The following ZFHX3 variants were observed in gnomAD, a reference collection of about 807,000 sequenced individuals.
The protein encoded by ZFHX3 is zinc finger homeobox 3.
A neutral mutation model predicts 279.1 loss-of-function variants in ZFHX3; 42 were observed. The ratio of observed to expected loss-of-function variants is 0.15; its 90% CI spans 0.12 to 0.19. The LOEUF (loss-of-function observed/expected upper bound fraction) is 0.19. Ranked by LOEUF, ZFHX3 falls within the 10% of genes least tolerant of loss-of-function variation. The pLI is 1.00. For synonymous variants in ZFHX3, 2,293 were observed against 1,957.8 expected (o/e 1.17, Z -4.52); for missense variants, 4,981 against 4,754.0 (o/e 1.05, Z -1.40).
At chr16:73,354,451 C>T (rs552628625) in intron 3 of ZFHX3, among the ~76,000 whole-genome samples, 84 of 152,316 alleles carry the variant, frequency 5.5e-4, no homozygotes, top group African/African-American at 1.6e-3. Flanking sequence ...CAGGCATGTA[C>T]GATGACTGCC....
chr16:73,650,475 C>G (rs2052660368), intron 2 of ZFHX3, among the ~76,000 whole-genome samples: 1 of 152,142 alleles, frequency 6.6e-6, no homozygotes, highest in Admixed American at 6.5e-5. Flanking sequence ...TTAAAGTTGT[C>G]TGAGCACTGA....
intron 2 of ZFHX3, among the ~76,000 whole-genome samples, chr16:73,500,924 TAC>T (rs2019228621): frequency 6.6e-6 from 1 of 152,218 alleles, no homozygotes; most frequent in African/African-American, 2.4e-5. Context: ...GTACAATGCT[TAC>T]AGTCTACAGT....
intron 3 of ZFHX3, among the ~76,000 whole-genome samples, chr16:73,382,072 A>G (rs371526007): frequency 1.3e-5 from 2 of 152,348 alleles, no homozygotes; most frequent in African/African-American, 2.4e-5. Context: ...TAGTTTGTCA[A>G]CCTCTGGATT....
At chr16:73,532,331 T>C (rs895603658) in intron 2 of ZFHX3, among the ~76,000 whole-genome samples, 4 of 152,162 alleles carry the variant, frequency 2.6e-5, no homozygotes, top group Non-Finnish European at 1.5e-5. Flanking sequence ...GCTCTCATTC[T>C]CTCTTTGCCT....
intron 3 of ZFHX3, among the ~76,000 whole-genome samples, chr16:72,892,589 C>A (rs2038800622): frequency 6.6e-6 from 1 of 151,242 alleles, no homozygotes; most frequent in South Asian, 2.1e-4. Flanking sequence ...CTCATTGCAA[C>A]CTCTGCCTCC....
intron 2 of ZFHX3, among the ~76,000 whole-genome samples, chr16:73,598,013 T>G (rs950547932): frequency 6.6e-6 from 1 of 152,238 alleles, no homozygotes; most frequent in East Asian, 1.9e-4. Flanking sequence ...TGGTCAGTAA[T>G]GGCTCCCAAA....
chr16:73,601,946 T>A (rs1480878327), intron 2 of ZFHX3, among the ~76,000 whole-genome samples: 1 of 152,012 alleles, frequency 6.6e-6, no homozygotes, highest in Non-Finnish European at 1.5e-5. Flanking sequence ...GGAGTGGGCT[T>A]GGGGGCTGTG....
Position 72,794,902 on chromosome 16 carries a change from G to T in ZFHX3, c.7780C>A (p.Pro2594Thr). The T allele has an allele frequency of 6.2e-7, 1 of 1,614,072 alleles. No individual in the cohort carries two copies. The highest frequency in any genetic ancestry group is 8.5e-7 in the Non-Finnish European group (1 of 1,180,030). Residue 2594 changes from proline (P) to threonine (T), a missense_variant, in exon 9 of 10, where the codon CCT (proline) becomes ACT (threonine). Coordinates refer to ENST00000268489, the MANE Select transcript of ZFHX3 (RefSeq NM_006885.4). The surrounding 1 kb of genome is among the most constrained non-coding windows in gnomAD (Gnocchi z 4.2). ...LASQLLSGAI[P>T]QIPASSATSP... ...GTGGCTGAGCTTGCTGGAATCTGAGGTATGGCCCCAGAGAGCAGCTGGCTG... is the reference window on the plus strand; with the variant it reads ...GTGGCTGAGCTTGCTGGAATCTGAGTTATGGCCCCAGAGAGCAGCTGGCTG...
At chr16:73,605,472 G>C (rs2052167841) in intron 2 of ZFHX3, among the ~76,000 whole-genome samples, 2 of 152,092 alleles carry the variant, frequency 1.3e-5, no homozygotes, top group Non-Finnish European at 2.9e-5. Context: ...TCTAACCTTA[G>C]CCCCAAATTA....
chr16:73,434,303 G>A (rs1274312573), intron 3 of ZFHX3, among the ~76,000 whole-genome samples: 3 of 152,210 alleles, frequency 2.0e-5, no homozygotes, highest in Non-Finnish European at 4.4e-5. Context: ...GATTGATTGA[G>A]ATGAAAGGTG....
intron 2 of ZFHX3, among the ~76,000 whole-genome samples, chr16:73,508,789 G>A (rs887045578): frequency 6.6e-6 from 1 of 152,138 alleles, no homozygotes; most frequent in African/African-American, 2.4e-5. Flanking sequence ...GGCCTTAAAA[G>A]GCAAAAATAG....
intron 1 of ZFHX3, among the ~76,000 whole-genome samples, chr16:72,993,774 T>C (rs889213442): frequency 3.3e-5 from 5 of 152,194 alleles, no homozygotes; most frequent in African/African-American, 9.7e-5. Flanking sequence ...TCAGGGGGCA[T>C]GGTAGCTTTC....
Position 72,787,387 on chromosome 16 carries a change from G to C in ZFHX3, c.10889C>G (p.Pro3630Arg). Reference sequence around the variant, plus strand: ...AGATGAGGAGAGAGGAGGAAAAGAAGGGGGCTTCGCTGCCGAAGCCCGGGA... The same window carrying C: ...AGATGAGGAGAGAGGAGGAAAAGAACGGGGCTTCGCTGCCGAAGCCCGGGA... Reference protein sequence around the residue: ...VVSRASAAKPPSFPPLSSSST... With the variant: ...VVSRASAAKPRSFPPLSSSST... Residue 3630 changes from proline to arginine, a missense_variant, in exon 10 of 10, where the codon CCT becomes CGT. By Grantham distance (103) the Pro-to-Arg change is moderately radical. Around this residue, in one of 7 missense-constraint regions of ZFHX3, gnomAD observed 1,034 missense variants for 786.0 expected, o/e 1.32. Transcript: ENST00000268489. The C allele has an allele frequency of 6.2e-7, 1 of 1,606,072 alleles. No homozygotes were observed. The highest frequency in any genetic ancestry group is 8.5e-7 in the Non-Finnish European group (1 of 1,174,218).
chr16:73,042,628 G>A (rs1204506051), intron 1 of ZFHX3, among the ~76,000 whole-genome samples: 1 of 152,076 alleles, frequency 6.6e-6, no homozygotes, highest in Non-Finnish European at 1.5e-5. Context: ...ACACAGAACA[G>A]CGGGTATAGG....
intron 1 of ZFHX3, among the ~76,000 whole-genome samples, chr16:73,841,351 G>A (rs531656329): frequency 4.7e-4 from 72 of 152,272 alleles, no homozygotes; most frequent in Non-Finnish European, 9.1e-4. Flanking sequence ...GTGGGAGCTG[G>A]GTGCACAGCA....
chr16:73,184,753 G>T (rs1451411735), intron 5 of ZFHX3, among the ~76,000 whole-genome samples: 2 of 152,174 alleles, frequency 1.3e-5, no homozygotes, highest in Non-Finnish European at 2.9e-5. Flanking sequence ...TTCAATGTCA[G>T]TGAAACCCTA....
At chr16:72,820,001 T>C (rs1316927650) in intron 5 of ZFHX3, among the ~76,000 whole-genome samples, 1 of 152,216 alleles carries the variant, frequency 6.6e-6, no homozygotes, top group Non-Finnish European at 1.5e-5. Context: ...GTCTTTTTAG[T>C]GCTGGCTTCC....
At chr16:72,927,227 A>G (rs907913128) in intron 3 of ZFHX3, among the ~76,000 whole-genome samples, 1 of 152,234 alleles carries the variant, frequency 6.6e-6, no homozygotes, top group African/African-American at 2.4e-5. Flanking sequence ...AAACAGTAGT[A>G]AAAAATTTTT....
intron 4 of ZFHX3, among the ~76,000 whole-genome samples, chr16:72,841,208 C>A (rs1487195724): frequency 6.6e-6 from 1 of 152,176 alleles, no homozygotes; most frequent in Non-Finnish European, 1.5e-5. Context: ...CGTGGAAAGT[C>A]AAAAACTGGG....
Sources: gnomAD v4.1 joint callset for allele counts (sites outside exome capture counted in the v4.1 genomes callset) on GRCh38, gnomAD v4.1.1 for gene constraint, gnomAD v4.1.1 regional missense constraint, Gnocchi (gnomAD v3.1) non-coding constraint, MANE v1.5 for transcripts, NCBI Gene and HGNC (gene_info 2026-07-23, HGNC 2026-07-21) for gene names.